Variants in DSCAM observed in about 807,000 individuals in gnomAD.
DSCAM encodes cell adhesion molecule DSCAM.
Under a neutral mutation model 217.7 loss-of-function variants are expected in DSCAM, and 47 were observed. The observed-to-expected ratio is 0.22, with a 90% CI of 0.17 to 0.28. The LOEUF is 0.28. DSCAM is among the 10% of genes least tolerant of loss of function. DSCAM has a pLI of 1.00. For missense variants in DSCAM, 2,080 were observed against 2,618.3 expected, an observed-to-expected ratio of 0.79 and a Z score of 4.49; for synonymous variants, 1,056 against 1,015.3, an observed-to-expected ratio of 1.04 and a Z score of -0.76.
At chr21:40,403,797 G>C (rs2075258991) in intron 3 of DSCAM, among the ~76,000 whole-genome samples, 1 of 152,168 alleles carries the variant, frequency 6.6e-6, no homozygotes, top group Non-Finnish European at 1.5e-5. Flanking sequence ...AGGACATTAT[G>C]CTCATTAATA....
At chr21:40,040,829 T>C (rs2088733660) in intron 32 of DSCAM, among the ~76,000 whole-genome samples, 1 of 152,162 alleles carries the variant, frequency 6.6e-6, no homozygotes, top group African/African-American at 2.4e-5. Context: ...TGGTCTTCTC[T>C]CCAGTCCTCC....
intron 20 of DSCAM, among the ~76,000 whole-genome samples, chr21:40,102,188 CAT>C (rs2089760344): frequency 6.6e-6 from 1 of 152,122 alleles, no homozygotes; most frequent in Non-Finnish European, 1.5e-5. Context: ...CCAACCCTGT[CAT>C]AGTTGAAGAC....
chr21:40,161,125 C>T (rs530723337), intron 16 of DSCAM, among the ~76,000 whole-genome samples: 4 of 152,120 alleles, frequency 2.6e-5, no homozygotes, highest in Non-Finnish European at 5.9e-5. Flanking sequence ...TGGCTGCGCT[C>T]TAGGCTGGAA....
chr21:40,658,907 C>G (rs2090105027), intron 3 of DSCAM, among the ~76,000 whole-genome samples: 1 of 152,006 alleles, frequency 6.6e-6, no homozygotes, highest in South Asian at 2.1e-4. Context: ...CATTTTAGTT[C>G]CTGAGATGAA....
At chr21:40,117,001 C>CAA (rs534100380) in intron 20 of DSCAM, among the ~76,000 whole-genome samples, 3,482 of 33,156 alleles carry the variant, frequency 0.11, 842 homozygotes, top group East Asian at 0.36. Flanking sequence ...GACTCTGTCT[C>CAA]AAAAAAAAAA....
At chr21:40,833,088 G>A (rs1174902208) in intron 1 of DSCAM, among the ~76,000 whole-genome samples, 1 of 152,014 alleles carries the variant, frequency 6.6e-6, no homozygotes, top group African/African-American at 2.4e-5. Context: ...TACACAAGAG[G>A]CAGAGACTTA....
intron 3 of DSCAM, among the ~76,000 whole-genome samples, chr21:40,546,291 T>C (rs1435461681): frequency 6.6e-6 from 1 of 152,198 alleles, no homozygotes; most frequent in African/African-American, 2.4e-5. Context: ...AGCATTTCCT[T>C]GGGTCATGGG....
intron 3 of DSCAM, among the ~76,000 whole-genome samples, chr21:40,421,977 T>C (rs960591798): frequency 3.9e-5 from 6 of 152,214 alleles, no homozygotes; most frequent in Non-Finnish European, 1.5e-5. Flanking sequence ...GTAATGCATA[T>C]GGAGGAGACA....
At chr21:40,075,312 G>A in intron 26 of DSCAM, 99 bp from the exon 27 acceptor site, 1 of 1,266,682 alleles carries the variant, frequency 7.9e-7, no homozygotes, top group Non-Finnish European at 1.1e-6. Context: ...TGTGATCCAA[G>A]GGTGTTGGAG....
At chr21:40,401,917 T>C (rs1479588170) in intron 3 of DSCAM, among the ~76,000 whole-genome samples, 1 of 152,078 alleles carries the variant, frequency 6.6e-6, no homozygotes, top group Admixed American at 6.6e-5. Context: ...AGCTATATTT[T>C]ACACCCAACT....
chr21:40,020,890 T>A (rs953788581), intron 32 of DSCAM, among the ~76,000 whole-genome samples: 4 of 152,168 alleles, frequency 2.6e-5, no homozygotes, highest in African/African-American at 9.7e-5. Context: ...ATGAACCCAC[T>A]GTGCTCTGCC....
At chr21:40,768,610 T>C (rs1414008755) in intron 1 of DSCAM, among the ~76,000 whole-genome samples, 1 of 152,160 alleles carries the variant, frequency 6.6e-6, no homozygotes, top group Non-Finnish European at 1.5e-5. Context: ...ACAATTCCCA[T>C]TTCCAGGTGT....
At chr21:40,128,861 T>C (rs1446244287) in intron 19 of DSCAM, among the ~76,000 whole-genome samples, 1 of 152,186 alleles carries the variant, frequency 6.6e-6, no homozygotes, top group African/African-American at 2.4e-5. Context: ...AACGATGAGA[T>C]AAGACATTTG....
intron 1 of DSCAM, among the ~76,000 whole-genome samples, chr21:40,766,691 A>AAAAAAAT (rs1555887014): frequency 1.5e-5 from 1 of 65,886 alleles, no homozygotes; most frequent in African/African-American, 7.3e-5. Context: ...AAAAAAAACA[A>AAAAAAAT]CTTTTTTTTT....
At chr21:40,749,997 A>C (rs1447497864) in intron 1 of DSCAM, among the ~76,000 whole-genome samples, 2 of 149,932 alleles carry the variant, frequency 1.3e-5, no homozygotes, top group Non-Finnish European at 3.0e-5. Flanking sequence ...GTGTGATCTC[A>C]GCTCACTGGA....
chr21:40,103,153 T>TCAGCCTGTCTGATATAAAAGGA (rs2089776126), intron 20 of DSCAM, among the ~76,000 whole-genome samples: 1 of 152,248 alleles, frequency 6.6e-6, no homozygotes, highest in African/African-American at 2.4e-5. Flanking sequence ...GTCAAACTAT[T>TCAGCCTGTCTGATATAAAAGGA]CAGCCTGTCT....
chr21:40,575,076 G>A (rs879317053), intron 3 of DSCAM, among the ~76,000 whole-genome samples: 27 of 148,928 alleles, frequency 1.8e-4, no homozygotes, highest in South Asian at 4.1e-4. Flanking sequence ...GCCTGTTCCT[G>A]CCTTAACTGA....
chr21:40,355,415 T>TTGA (rs2074681349), intron 4 of DSCAM, among the ~76,000 whole-genome samples: 1 of 152,142 alleles, frequency 6.6e-6, no homozygotes, highest in African/African-American at 2.4e-5. Context: ...GGTGAGGAAA[T>TTGA]TGATAAAATA....
intron 3 of DSCAM, among the ~76,000 whole-genome samples, chr21:40,681,942 A>C (rs2090405385): frequency 1.3e-5 from 2 of 152,186 alleles, no homozygotes; most frequent in Admixed American, 6.5e-5. Context: ...TCCCCAGAGT[A>C]CTGACAGAGA....
Sources: gnomAD v4.1 joint callset for allele counts (sites outside exome capture counted in the v4.1 genomes callset) on GRCh38, gnomAD v4.1.1 for gene constraint, MANE v1.5 for transcripts, NCBI Gene and HGNC (gene_info 2026-07-23, HGNC 2026-07-21) for gene names.